The following FSTL5 variants were observed in gnomAD, a reference collection of about 807,000 sequenced individuals.
FSTL5 encodes the protein follistatin-related protein 5.
FSTL5 carries 62 observed loss-of-function variants against 89.1 expected under a neutral mutation model. The observed-to-expected ratio is 0.70, with a 90% CI of 0.57 to 0.86. The LOEUF (loss-of-function observed/expected upper bound fraction) is 0.86. Ranked by LOEUF, FSTL5 falls within the 40% of genes least tolerant of loss-of-function variation. FSTL5 has a pLI of 0.00. For missense variants in FSTL5, 1,057 were observed against 1,001.6 expected (o/e 1.06, Z -0.75); for synonymous variants, 383 against 346.2 (o/e 1.11, Z -1.18).
At chr4:161,677,811 GCTGT>G (rs1028023601) in intron 6 of FSTL5, among the ~76,000 whole-genome samples, 2 of 151,706 alleles carry the variant, frequency 1.3e-5, no homozygotes, top group African/African-American at 4.8e-5. Context: ...AACTTATTTT[GCTGT>G]CTAACTAAAA....
intron 3 of FSTL5, among the ~76,000 whole-genome samples, chr4:161,991,886 G>A (rs574309662): frequency 7.2e-5 from 11 of 152,298 alleles, no homozygotes; most frequent in African/African-American, 2.4e-4. Flanking sequence ...ACCTTACAAA[G>A]AAGATGGCCT....
In FSTL5 at chr4:161,858,737, G is replaced by A. The variant is rs147656136; in HGVS notation, c.409+61667C>T. Among the ~76,000 whole-genome samples the A allele has an allele frequency of 9.4e-3, 1,438 of 152,266 alleles. 20 individuals are homozygous for A. Among genetic ancestry groups the A allele is most frequent in the African/African-American group, 0.032 (1,336 of 41,546 alleles). ...ATGACCATGTCTTTTACTTCTAGAT[G>A]TGTGTCTTGCTTCTGCCTCTACTCC... On this transcript the variant is annotated intron_variant, in intron 4 of 15. Transcript: ENST00000306100.
At chr4:161,485,292 A>G (rs1729638719) in intron 12 of FSTL5, among the ~76,000 whole-genome samples, 1 of 152,196 alleles carries the variant, frequency 6.6e-6, no homozygotes, top group Admixed American at 6.5e-5. Context: ...AGTTCCCTGG[A>G]TGTGGCTTCA....
At chr4:161,437,449 C>T (rs1732598966) in intron 15 of FSTL5, among the ~76,000 whole-genome samples, 1 of 151,044 alleles carries the variant, frequency 6.6e-6, no homozygotes, top group Non-Finnish European at 1.5e-5. Context: ...CGCCTTTAGT[C>T]CCAGCTACTC....
At chr4:162,121,685 C>G (rs1731868557) in intron 1 of FSTL5, among the ~76,000 whole-genome samples, 1 of 151,968 alleles carries the variant, frequency 6.6e-6, no homozygotes, top group African/African-American at 2.4e-5. Context: ...TACTGTGTAT[C>G]AGCTTTGCTT....
chr4:161,965,372 G>A (rs1341026725), intron 3 of FSTL5, among the ~76,000 whole-genome samples: 2 of 152,006 alleles, frequency 1.3e-5, no homozygotes, highest in Non-Finnish European at 2.9e-5. Flanking sequence ...AAAGAGTTTT[G>A]GTGTCTTCCC....
At chr4:161,969,816 T>A (rs1190463185) in intron 3 of FSTL5, among the ~76,000 whole-genome samples, 1 of 151,834 alleles carries the variant, frequency 6.6e-6, no homozygotes, top group Non-Finnish European at 1.5e-5. Context: ...TTTAAAAAAA[T>A]GAATTTAAAA....
Position 161,503,670 on chromosome 4 carries a change from A to G in FSTL5, c.1340-3536T>C, listed in dbSNP as rs184495858. 7.9e-5 allele frequency among the ~76,000 whole-genome samples: 12 copies of G among 152,082 alleles called. No individual in the cohort carries two copies. The East Asian group carries it at 1.2e-3, about 15-fold the overall frequency. ...CCTTTGGAAGTTAAGGAGATTGTAT[A>G]CTTACTCAAAAGGACTGGTTTTAGA... is the stretch of plus-strand genomic sequence containing the variant. On this transcript the variant is annotated intron_variant, in intron 11 of 15. Coordinates refer to ENST00000306100, the MANE Select transcript of FSTL5 (RefSeq NM_020116.5).
chr4:162,136,977 T>C (rs908006328), intron 1 of FSTL5, among the ~76,000 whole-genome samples: 2 of 152,028 alleles, frequency 1.3e-5, no homozygotes, highest in African/African-American at 4.8e-5. Context: ...GTGATGAAAC[T>C]TTGAAACAGG....
chr4:161,790,938 T>A (rs1434609), intron 4 of FSTL5, among the ~76,000 whole-genome samples: 1 of 151,944 alleles, frequency 6.6e-6, no homozygotes, highest in South Asian at 2.1e-4. Flanking sequence ...AGTATTTGGG[T>A]TCATACTCAG....
intron 3 of FSTL5, among the ~76,000 whole-genome samples, chr4:162,024,843 G>C (rs954310225): frequency 1.3e-5 from 2 of 151,654 alleles, no homozygotes. Flanking sequence ...TTTTTGTAGA[G>C]GCAGGGTCTC....
At chr4:161,784,712 C>T (rs981279134) in intron 4 of FSTL5, among the ~76,000 whole-genome samples, 2 of 151,738 alleles carry the variant, frequency 1.3e-5, no homozygotes, top group Non-Finnish European at 2.9e-5. Flanking sequence ...GGCTAACACG[C>T]TGAAACCCCA....
At chr4:162,094,220 T>A (rs555862293) in intron 2 of FSTL5, among the ~76,000 whole-genome samples, 1 of 152,064 alleles carries the variant, frequency 6.6e-6, no homozygotes, top group Non-Finnish European at 1.5e-5. Flanking sequence ...ACCCCTTCTC[T>A]ACTAAAAATA....
chr4:161,686,551 A>G (rs1055484385), intron 6 of FSTL5, among the ~76,000 whole-genome samples: 3 of 150,438 alleles, frequency 2.0e-5, no homozygotes, highest in East Asian at 3.9e-4. Flanking sequence ...TCGTAGAGAC[A>G]GGGTTTCACC....
intron 2 of FSTL5, among the ~76,000 whole-genome samples, chr4:162,077,726 T>G (rs1451937320): frequency 1.3e-5 from 2 of 151,866 alleles, no homozygotes; most frequent in Non-Finnish European, 2.9e-5. Flanking sequence ...GGTGTAATTA[T>G]GAGCATTCTG....
intron 3 of FSTL5, among the ~76,000 whole-genome samples, chr4:162,004,955 G>A (rs1222056017): frequency 3.9e-5 from 6 of 151,984 alleles, no homozygotes; most frequent in Admixed American, 2.6e-4. Flanking sequence ...TTCAAACCAC[G>A]CTTCACACTC....
intron 15 of FSTL5, among the ~76,000 whole-genome samples, chr4:161,393,356 T>C (rs1343136816): frequency 1.3e-5 from 2 of 151,962 alleles, no homozygotes; most frequent in Non-Finnish European, 2.9e-5. Flanking sequence ...ACTATGTGTG[T>C]ACACTGTGTA....
chr4:161,514,577 A>G (rs1402659716), intron 10 of FSTL5, among the ~76,000 whole-genome samples: 1 of 152,218 alleles, frequency 6.6e-6, no homozygotes, highest in Non-Finnish European at 1.5e-5. Flanking sequence ...GATCCATGTA[A>G]CAAAACTGCA....
At chr4:161,546,097 T>C (rs1246969567) in intron 8 of FSTL5, among the ~76,000 whole-genome samples, 1 of 151,402 alleles carries the variant, frequency 6.6e-6, no homozygotes, top group African/African-American at 2.4e-5. Context: ...AAATTGAAAT[T>C]ATAAACTCAA....
Sources: allele counts gnomAD v4.1 joint callset (sites outside exome capture counted in the v4.1 genomes callset), GRCh38; gene constraint gnomAD v4.1.1; transcripts MANE v1.5; gene names NCBI Gene and HGNC (gene_info 2026-07-23, HGNC 2026-07-21).